PRMT3: variants seen among roughly 807,000 people sequenced by gnomAD.
The protein encoded by PRMT3 is protein arginine methyltransferase 3.
In PRMT3, 62 loss-of-function variants were observed where a neutral mutation model predicts 71.9. The ratio of observed to expected loss-of-function variants is 0.86; its 90% CI spans 0.70 to 1.07. PRMT3 has a LOEUF of 1.07. Among genes scored for constraint, PRMT3 ranks in the 50% least tolerant of loss-of-function variants. The pLI, the probability that PRMT3 is intolerant of heterozygous loss-of-function variation, is 0.00. For missense variants in PRMT3, 663 were observed against 643.0 expected (o/e 1.03, Z -0.34); for synonymous variants, 213 against 220.4 (o/e 0.97, Z 0.30).
At chr11:20,493,466 T>C (rs543432465) in intron 13 of PRMT3, among the ~76,000 whole-genome samples, 5 of 152,376 alleles carry the variant, frequency 3.3e-5, no homozygotes, top group African/African-American at 9.6e-5. Context: ...CAATCCTGAC[T>C]GGACTTAACT....
At chr11:20,420,784 C>A (rs543819587) in intron 9 of PRMT3, among the ~76,000 whole-genome samples, 5 of 152,266 alleles carry the variant, frequency 3.3e-5, no homozygotes, top group African/African-American at 9.6e-5. Context: ...GCATTGAAAG[C>A]ATTCTCTTTA....
At position 20,406,789 on chromosome 11, in the gene PRMT3, T is replaced by C. The variant is rs1337874101; in HGVS notation, c.772-1122T>C. 3.3e-5 allele frequency: 5 copies of C among 152,218 alleles called. No homozygotes were observed. The East Asian group carries it at 9.6e-4, about 29-fold the overall frequency. The allele number at this position is 152,218 out of a possible 1,614,324, so 9.4% of individuals were successfully genotyped here. ...AGCAGTGCACAAGGGTTCCAATTTTTCCATATCCTTAGCAATACTTGTTGT... is the reference window on the plus strand; with the variant it reads ...AGCAGTGCACAAGGGTTCCAATTTTCCCATATCCTTAGCAATACTTGTTGT... On this transcript the variant is annotated intron_variant, in intron 8 of 15. Transcript: ENST00000331079.
At chr11:20,483,050 T>C (rs756572033) in intron 13 of PRMT3, among the ~76,000 whole-genome samples, 16 of 152,070 alleles carry the variant, frequency 1.1e-4, no homozygotes, top group Admixed American at 3.9e-4. Context: ...GAAAATAGGG[T>C]ATATCACATC....
rs939194420 is a variant in PRMT3 at position 20,412,506 on chromosome 11, A to G, written c.893+4474A>G. Among the ~76,000 whole-genome samples, 8 of 152,100 alleles carry G rather than the reference A, an allele frequency of 5.3e-5. No individual in the cohort carries two copies. In the South Asian group the frequency reaches 8.3e-4, roughly 16 times the overall value. On this transcript the variant is annotated intron_variant, in intron 9 of 15. Coordinates refer to ENST00000331079, the MANE Select transcript of PRMT3 (RefSeq NM_005788.4). ...GAATGATATGAATTCCTGTGTGCCTATCACCCGCGTCTACATTTATCAATT... is the reference window on the plus strand; with the variant it reads ...GAATGATATGAATTCCTGTGTGCCTGTCACCCGCGTCTACATTTATCAATT...
chr11:20,443,491 C>T (rs1438862939), intron 10 of PRMT3, among the ~76,000 whole-genome samples: 1 of 152,242 alleles, frequency 6.6e-6, no homozygotes, highest in Non-Finnish European at 1.5e-5. Flanking sequence ...ATCAATGACA[C>T]ATAATAACCT....
chr11:20,483,606 A>G, intron 13 of PRMT3, among the ~76,000 whole-genome samples: 1 of 151,998 alleles, frequency 6.6e-6, no homozygotes, highest in East Asian at 1.9e-4. Flanking sequence ...TCAAACATGG[A>G]CTGAACACTA....
At chr11:20,402,169 G>T (rs1222798538) in intron 7 of PRMT3, among the ~76,000 whole-genome samples, 2 of 151,928 alleles carry the variant, frequency 1.3e-5, no homozygotes, top group Non-Finnish European at 2.9e-5. Flanking sequence ...GCCCAGGCTG[G>T]AGTGCAATGG....
chr11:20,492,140 GTAAC>G (rs901641699), intron 13 of PRMT3, among the ~76,000 whole-genome samples: 2 of 152,064 alleles, frequency 1.3e-5, no homozygotes, highest in African/African-American at 4.8e-5. Flanking sequence ...ATATACTATC[GTAAC>G]TAACATAACA....
intron 15 of PRMT3, among the ~76,000 whole-genome samples, chr11:20,500,404 A>T (rs1244021474): frequency 6.6e-6 from 1 of 152,226 alleles, no homozygotes; most frequent in Non-Finnish European, 1.5e-5. Flanking sequence ...GGCTAATTCT[A>T]AAAGTTATAT....
At chr11:20,474,132 C>T (rs906122777) in intron 13 of PRMT3, among the ~76,000 whole-genome samples, 3 of 152,148 alleles carry the variant, frequency 2.0e-5, no homozygotes, top group African/African-American at 7.2e-5. Context: ...GCTAGAGACC[C>T]CTTTTGGGAG....
At chr11:20,439,132 G>A (rs143993648) in intron 10 of PRMT3, among the ~76,000 whole-genome samples, 16 of 152,302 alleles carry the variant, frequency 1.1e-4, no homozygotes, top group African/African-American at 3.9e-4. Flanking sequence ...CACAGGCACT[G>A]GGGGCAGGAC....
intron 13 of PRMT3, among the ~76,000 whole-genome samples, chr11:20,490,859 T>C (rs902482960): frequency 6.6e-6 from 1 of 152,200 alleles, no homozygotes; most frequent in African/African-American, 2.4e-5. Flanking sequence ...TTAAAATGTT[T>C]CTAGAGGAAG....
chr11:20,389,075 G>C (rs6483666), intron 2 of PRMT3, among the ~76,000 whole-genome samples: 137,790 of 152,196 alleles, frequency 0.91, 63,269 homozygotes, highest in Non-Finnish European at 0.99. Context: ...ATAAATAGTC[G>C]ACATAACCTA....
At chr11:20,420,574 G>A (rs530983728) in intron 9 of PRMT3, among the ~76,000 whole-genome samples, 6 of 152,134 alleles carry the variant, frequency 3.9e-5, no homozygotes, top group Non-Finnish European at 7.4e-5. Context: ...GCGTATGCGA[G>A]GGATCTAGGT....
intron 11 of PRMT3, among the ~76,000 whole-genome samples, chr11:20,461,412 G>T (rs902416820): frequency 6.6e-6 from 1 of 152,126 alleles, no homozygotes; most frequent in African/African-American, 2.4e-5. Context: ...TTTCAAAATA[G>T]TCTAAATATA....
At chr11:20,477,814 C>CT (rs1454833415) in intron 13 of PRMT3, among the ~76,000 whole-genome samples, 2 of 122,730 alleles carry the variant, frequency 1.6e-5, no homozygotes, top group African/African-American at 6.0e-5. Context: ...CCCCCCCCCC[C>CT]ACTTCCTGTT....
chr11:20,490,858 T>A (rs1020983961), intron 13 of PRMT3, among the ~76,000 whole-genome samples: 11 of 152,198 alleles, frequency 7.2e-5, no homozygotes, highest in African/African-American at 2.7e-4. Context: ...TTTAAAATGT[T>A]TCTAGAGGAA....
At chr11:20,476,514 T>TAATA (rs1311106707) in intron 13 of PRMT3, among the ~76,000 whole-genome samples, 5 of 152,166 alleles carry the variant, frequency 3.3e-5, no homozygotes, top group Admixed American at 2.6e-4. Flanking sequence ...AAAATGGAGT[T>TAATA]AATAAATTTT....
At chr11:20,473,639 A>AAGAATC (rs1850705680) in intron 13 of PRMT3, among the ~76,000 whole-genome samples, 1 of 152,096 alleles carries the variant, frequency 6.6e-6, no homozygotes. Context: ...CAGCTCCTGT[A>AAGAATC]ATGTTTTACC....
Sources: allele counts gnomAD v4.1 joint callset (sites outside exome capture counted in the v4.1 genomes callset), GRCh38; gene constraint gnomAD v4.1.1; transcripts MANE v1.5; gene names NCBI Gene and HGNC (gene_info 2026-07-23, HGNC 2026-07-21).